NCAM2: variants seen among roughly 807,000 people sequenced by gnomAD.
NCAM2 encodes the protein N-CAM-2.
Under a neutral mutation model 98.1 loss-of-function variants are expected in NCAM2, and 30 were observed. The ratio of observed to expected loss-of-function variants is 0.31; its 90% CI spans 0.23 to 0.41. NCAM2 has a LOEUF of 0.41. Ranked by LOEUF, NCAM2 falls within the 10% of genes least tolerant of loss-of-function variation. The pLI is 1.00. For missense variants in NCAM2, 867 were observed against 1,005.8 expected, an observed-to-expected ratio of 0.86 and a Z score of 1.87; for synonymous variants, 368 against 342.4, an observed-to-expected ratio of 1.07 and a Z score of -0.83.
At chr21:21,380,841 A>G (rs551161496) in intron 9 of NCAM2, among the ~76,000 whole-genome samples, 2 of 152,216 alleles carry the variant, frequency 1.3e-5, no homozygotes, top group East Asian at 3.9e-4. Context: ...TATCTTTGGG[A>G]GGTCGTTATT....
At position 21,087,133 on chromosome 21, in the gene NCAM2, G is replaced by A. The variant is rs529844640; in HGVS notation, c.55+88515G>A. 6.9e-4 allele frequency among the ~76,000 whole-genome samples: 105 copies of A among 151,882 alleles called. 1 individual carries two copies. The highest frequency in any genetic ancestry group is 2.5e-3 in the African/African-American group (103 of 41,450). ...ATATTTTCCCTTAAGTCCTTTCATG[G>A]TAATCACTAGCATTAGAAAAGAAAT... On this transcript the variant is annotated intron_variant, in intron 1 of 17. Transcript: ENST00000400546.
intron 1 of NCAM2, among the ~76,000 whole-genome samples, chr21:21,183,480 GCAGCTAAAT>G (rs1313120277): frequency 1.3e-5 from 2 of 152,132 alleles, no homozygotes; most frequent in African/African-American, 4.8e-5. Flanking sequence ...ATTAGTGGGG[GCAGCTAAAT>G]CAGCTTTGGG....
At position 21,425,224 on chromosome 21, in the gene NCAM2, G is replaced by T. The variant is rs2098760346; in HGVS notation, c.1480+6655G>T. ...TAAAATGTACGTATGTAACTAACCT[G>T]CACGTTGTGTACATGTACCCTAAAA... On this transcript the variant is annotated intron_variant, in intron 11 of 17. Coordinates refer to ENST00000400546, the MANE Select transcript of NCAM2 (RefSeq NM_004540.5). Among the ~76,000 whole-genome samples, 4 of 151,404 alleles carry T rather than the reference G, an allele frequency of 2.6e-5. No homozygotes were observed. The South Asian group carries it at 8.4e-4, about 32-fold the overall frequency.
chr21:21,224,786 A>G (rs2070314913), intron 1 of NCAM2, among the ~76,000 whole-genome samples: 1 of 152,168 alleles, frequency 6.6e-6, no homozygotes, highest in Non-Finnish European at 1.5e-5. Flanking sequence ...TGTCCATAGC[A>G]TTCCTCTTAG....
chr21:21,338,324 G>C, intron 7 of NCAM2, 65 bp from the exon 8 acceptor site: 4 of 1,460,622 alleles, frequency 2.7e-6, no homozygotes, highest in Non-Finnish European at 3.8e-6. Context: ...CACCCATCAT[G>C]ACTTTTGTCT....
intron 5 of NCAM2, among the ~76,000 whole-genome samples, chr21:21,310,941 C>A (rs1385074153): frequency 6.6e-6 from 1 of 152,110 alleles, no homozygotes; most frequent in Non-Finnish European, 1.5e-5. Flanking sequence ...ATAGTAAGTC[C>A]CACAGTTGAG....
intron 12 of NCAM2, among the ~76,000 whole-genome samples, chr21:21,459,223 G>A (rs575087276): frequency 1.3e-5 from 2 of 151,860 alleles, no homozygotes; most frequent in East Asian, 3.9e-4. Context: ...GTAGAGAAAC[G>A]GTAACAGTGT....
At chr21:21,536,145 G>A (rs2826883) in intron 17 of NCAM2, among the ~76,000 whole-genome samples, 59,088 of 151,646 alleles carry the variant, frequency 0.39, 12,006 homozygotes, top group Non-Finnish European at 0.46. Flanking sequence ...ATATAAAATA[G>A]CCTGCTCTCG....
intron 12 of NCAM2, among the ~76,000 whole-genome samples, chr21:21,436,744 T>C (rs1978385375): frequency 1.3e-5 from 2 of 150,016 alleles, no homozygotes; most frequent in African/African-American, 2.5e-5. Flanking sequence ...AATAAGTATG[T>C]GTCTACAGAA....
intron 1 of NCAM2, among the ~76,000 whole-genome samples, chr21:21,111,300 A>G (rs899242774): frequency 1.3e-5 from 2 of 152,164 alleles, no homozygotes; most frequent in African/African-American, 4.8e-5. Flanking sequence ...CTGTATTCAG[A>G]AGGGATGAGT....
intron 5 of NCAM2, among the ~76,000 whole-genome samples, chr21:21,303,673 T>G (rs1325163145): frequency 1.3e-5 from 2 of 152,098 alleles, no homozygotes; most frequent in Non-Finnish European, 2.9e-5. Context: ...TTATCACTTT[T>G]AAAAAACACT....
Position 21,281,333 on chromosome 21 carries a change from G to T in NCAM2, c.130+681G>T, listed in dbSNP as rs530705165. Among the ~76,000 whole-genome samples, 14 of 152,162 alleles carry T rather than the reference G, an allele frequency of 9.2e-5. No individual in the cohort carries two copies. The East Asian group carries it at 2.7e-3, about 29-fold the overall frequency. On this transcript the variant is annotated intron_variant, in intron 2 of 17. Coordinates refer to ENST00000400546, the MANE Select transcript of NCAM2 (RefSeq NM_004540.5). ...TGAACCATTTTTGTAAATATGCAAT[G>T]AATAAATTTGGTATGGCACACTGCA...
chr21:21,264,600 T>A (rs1403369828), intron 1 of NCAM2, among the ~76,000 whole-genome samples: 1 of 151,486 alleles, frequency 6.6e-6, no homozygotes, highest in Non-Finnish European at 1.5e-5. Context: ...AACCTAAGTG[T>A]CAATCAATGT....
At chr21:21,286,580 C>G (rs565868589) in intron 4 of NCAM2, among the ~76,000 whole-genome samples, 168 bp downstream of exon 4, 2 of 151,948 alleles carry the variant, frequency 1.3e-5, no homozygotes, top group South Asian at 4.1e-4. Context: ...ATCTAGGGAT[C>G]TCAGGGCAAA....
chr21:21,238,833 T>C (rs1189990732), intron 1 of NCAM2, among the ~76,000 whole-genome samples: 2 of 152,090 alleles, frequency 1.3e-5, no homozygotes, highest in Admixed American at 6.6e-5. Flanking sequence ...TTTCCTGGGG[T>C]TGCAAAATGG....
chr21:21,174,802 C>A (rs1177435037), intron 1 of NCAM2, among the ~76,000 whole-genome samples: 2 of 151,642 alleles, frequency 1.3e-5, no homozygotes, highest in East Asian at 3.9e-4. Flanking sequence ...GAAAAGAGAG[C>A]TATCTTTAAA....
intron 1 of NCAM2, among the ~76,000 whole-genome samples, chr21:21,058,845 A>C (rs576468323): frequency 2.0e-5 from 3 of 152,060 alleles, no homozygotes; most frequent in Admixed American, 2.0e-4. Flanking sequence ...TGTATTTCTT[A>C]CTATTGCTTA....
chr21:21,452,199 GATGT>G (rs577295319), intron 12 of NCAM2, among the ~76,000 whole-genome samples: 1,418 of 103,566 alleles, frequency 0.014, 17 homozygotes, highest in African/African-American at 0.041. Flanking sequence ...CACACACATA[GATGT>G]ATGTACACAC....
chr21:21,019,410 G>A (rs2064382731), intron 1 of NCAM2, among the ~76,000 whole-genome samples: 1 of 152,106 alleles, frequency 6.6e-6, no homozygotes, highest in African/African-American at 2.4e-5. Flanking sequence ...AAACAGCACG[G>A]AGTTTGAGAT....
Sources: gnomAD v4.1 joint callset for allele counts (sites outside exome capture counted in the v4.1 genomes callset) on GRCh38, gnomAD v4.1.1 for gene constraint, MANE v1.5 for transcripts, NCBI Gene and HGNC (gene_info 2026-07-23, HGNC 2026-07-21) for gene names.